GPHN: variants seen among roughly 807,000 people sequenced by gnomAD.
GPHN encodes gephyrin.
Under a neutral mutation model 95.5 loss-of-function variants are expected in GPHN, and 17 were observed. The ratio of observed to expected loss-of-function variants is 0.18; its 90% confidence interval spans 0.12 to 0.27. The LOEUF (loss-of-function observed/expected upper bound fraction) is 0.27. Ranked by LOEUF, GPHN falls within the 10% of genes least tolerant of loss-of-function variation. The probability of loss-of-function intolerance (pLI) is 1.00; values close to 1 mark genes in which losing one functional copy is unlikely to be tolerated. For synonymous variants in GPHN, 320 were observed against 322.5 expected (o/e 0.99, Z 0.08); for missense variants, 660 against 978.1 (o/e 0.67, Z 4.34).
At chr14:67,138,332 T>C (rs1416210712) in intron 17 of GPHN, among the ~76,000 whole-genome samples, 3 of 152,194 alleles carry the variant, frequency 2.0e-5, no homozygotes, top group Non-Finnish European at 2.9e-5. Flanking sequence ...GGAAGTTCTG[T>C]CTTAAATATA....
chr14:66,977,830 A>G lies in GPHN; in HGVS notation c.963+12505A>G, dbSNP rs373029219. Among the ~76,000 whole-genome samples, 6 of 152,332 alleles carry G rather than the reference A, an allele frequency of 3.9e-5. 1 individual carries two copies. In the East Asian group the frequency reaches 5.8e-4, roughly 15 times the overall value. On this transcript the variant is annotated intron_variant, in intron 9 of 22. Transcript: ENST00000478722. ...GTGTATTTTTTAGATAGGATCTGGT[A>G]ATTACACGGATGTCCTTTGGCCTAT...
chr14:67,470,370 CGT>C, the GPHN span: 2 of 152,308 alleles, frequency 1.3e-5, no homozygotes, highest in African/African-American at 4.8e-5. Context: ...ACAAACCGGT[CGT>C]GTGTCCTTCT....
chr14:67,439,926 C>A, the GPHN span, among the ~76,000 whole-genome samples: 1 of 152,118 alleles, frequency 6.6e-6, no homozygotes, highest in Non-Finnish European at 1.5e-5. Flanking sequence ...GCAGCCTCAA[C>A]TTCCTAGGCT....
chr14:67,135,288 C>CTG (rs200501082), intron 17 of GPHN, among the ~76,000 whole-genome samples: 1,833 of 151,976 alleles, frequency 0.012, 19 homozygotes, highest in Non-Finnish European at 0.018. Context: ...TTATAAAGGA[C>CTG]TGTGTGTGTG....
At chr14:66,584,055 A>G (rs1595082950) in intron 1 of GPHN, among the ~76,000 whole-genome samples, 1 of 152,078 alleles carries the variant, frequency 6.6e-6, no homozygotes, top group East Asian at 1.9e-4. Flanking sequence ...AACCTCTTTT[A>G]TTTCATTGAG....
chr14:66,541,843 A>G (rs917282558), intron 1 of GPHN, among the ~76,000 whole-genome samples: 11 of 152,324 alleles, frequency 7.2e-5, no homozygotes, highest in African/African-American at 2.6e-4. Flanking sequence ...GGACAGAATG[A>G]TGTGAATGAG....
At chr14:67,301,647 A>G in the GPHN span, among the ~76,000 whole-genome samples, 1 of 152,216 alleles carries the variant, frequency 6.6e-6, no homozygotes. Flanking sequence ...AAAATGAACC[A>G]AATTATTTTT....
intron 2 of GPHN, among the ~76,000 whole-genome samples, chr14:66,712,951 G>A (rs896424264): frequency 2.0e-5 from 3 of 152,070 alleles, no homozygotes; most frequent in Non-Finnish European, 4.4e-5. Context: ...CTTCTTTTGA[G>A]AATTGTCTAT....
the GPHN span, chr14:67,412,019 C>T: frequency 7.1e-6 from 11 of 1,555,140 alleles, no homozygotes; most frequent in Non-Finnish European, 8.7e-6. Context: ...CGCACTCACC[C>T]TCTTGACCAG....
the GPHN span, among the ~76,000 whole-genome samples, chr14:67,236,107 C>T: frequency 1.3e-5 from 2 of 152,178 alleles, no homozygotes; most frequent in African/African-American, 4.8e-5. Context: ...AATCTAGTCT[C>T]TTAAGTATAC....
At chr14:67,108,712 G>GGTGT (rs3063159) in intron 13 of GPHN, among the ~76,000 whole-genome samples, 18,114 of 130,946 alleles carry the variant, frequency 0.14, 1,269 homozygotes, top group East Asian at 0.26. Flanking sequence ...TTCCCTAAGG[G>GGTGT]GTGTGTGTGT....
the GPHN span, among the ~76,000 whole-genome samples, chr14:67,404,408 C>T: frequency 1.1e-4 from 17 of 151,358 alleles, no homozygotes; most frequent in East Asian, 2.0e-4. Context: ...GGATTGCCCA[C>T]GCCTAAAAGT....
intron 1 of GPHN, among the ~76,000 whole-genome samples, chr14:66,585,246 A>G (rs1413475551): frequency 6.6e-6 from 1 of 151,784 alleles, no homozygotes; most frequent in East Asian, 1.9e-4. Flanking sequence ...CCCCTTTGTT[A>G]TTTTTTGTCA....
chr14:67,325,592 T>G, the GPHN span, among the ~76,000 whole-genome samples: 106 of 152,240 alleles, frequency 7.0e-4, 3 homozygotes, highest in Admixed American at 1.9e-3. Flanking sequence ...TAAAATTTAG[T>G]GTCCAATAAC....
rs909333309 is a variant in GPHN at position 66,776,669 on chromosome 14, G to T, written c.201+148G>T. 3.6e-5 allele frequency: 24 copies of T among 672,256 alleles called. No individual in the cohort carries two copies. In the Middle Eastern group the frequency reaches 8.3e-4, roughly 23 times the overall value. 41.6% of individuals were successfully genotyped at this position (672,256 alleles called of 1,614,324 possible). A position where few individuals can be genotyped will look rare whatever the true frequency, so the allele number is the denominator to read the frequency against. ...ATCATAGTGAATTAAAAATTTATAT[G>T]TATCAGATAATCACCATCAGATTTA... is the stretch of plus-strand genomic sequence containing the variant. On this transcript the variant is annotated intron_variant, in intron 3 of 22. Transcript: ENST00000478722.
the GPHN span, chr14:67,593,751 T>C: frequency 6.2e-7 from 1 of 1,601,934 alleles, no homozygotes; most frequent in African/African-American, 1.3e-5. Flanking sequence ...ACCATGTAAA[T>C]GGCCTCATTG....
At chr14:66,709,449 C>A (rs1027748863) in intron 2 of GPHN, 5 of 455,640 alleles carry the variant, frequency 1.1e-5, no homozygotes, top group Admixed American at 2.4e-5. Flanking sequence ...TCTGATAACC[C>A]AGATGGCTGG....
At chr14:66,918,237 A>G (rs1163596816) in intron 6 of GPHN, among the ~76,000 whole-genome samples, 1 of 152,226 alleles carries the variant, frequency 6.6e-6, no homozygotes, top group Non-Finnish European at 1.5e-5. Flanking sequence ...AGACATGGAC[A>G]TGTCACCCTT....
chr14:66,755,563 A>AT (rs1566909116), intron 2 of GPHN, among the ~76,000 whole-genome samples: 1 of 151,964 alleles, frequency 6.6e-6, no homozygotes, highest in African/African-American at 2.4e-5. Flanking sequence ...TTTTCTGGTG[A>AT]TTTTTTTCAG....
Sources: gnomAD v4.1 joint callset for allele counts (sites outside exome capture counted in the v4.1 genomes callset) on GRCh38, gnomAD v4.1.1 for gene constraint, MANE v1.5 for transcripts, NCBI Gene and HGNC (gene_info 2026-07-23, HGNC 2026-07-21) for gene names.